HAUS7: variants seen among roughly 807,000 people sequenced by gnomAD.
The protein encoded by HAUS7 is HAUS augmin like complex subunit 7, also known as HAUS augmin-like complex subunit 7.
A neutral mutation model predicts 28.4 loss-of-function variants in HAUS7; 3 were observed. The observed-to-expected ratio is 0.11, with a 90% CI of 0.05 to 0.27. HAUS7 has a LOEUF of 0.27. Ranked by LOEUF, HAUS7 falls within the 10% of genes least tolerant of loss-of-function variation. The pLI is 1.00. For synonymous variants in HAUS7, 165 were observed against 132.1 expected, an observed-to-expected ratio of 1.25 and a Z score of -1.71; for missense variants, 284 against 297.3, an observed-to-expected ratio of 0.96 and a Z score of 0.33.
intron 1 of HAUS7, chrX:153,486,035 C>G: frequency 1.0e-6 from 1 of 973,403 alleles, no homozygotes; most frequent in South Asian, 2.0e-5. Flanking sequence ...GCAGGCCATC[C>G]CACGCGGCCT....
chrX:153,474,985 C>G (rs1011926515), upstream of HAUS7, among the ~76,000 whole-genome samples: 3 of 109,696 alleles, frequency 2.7e-5, no homozygotes, highest in African/African-American at 9.9e-5. Flanking sequence ...GGAACACGAA[C>G]GTGCCCGCTC....
chrX:153,474,531 T>A, upstream of HAUS7, among the ~76,000 whole-genome samples: 1 of 110,810 alleles, frequency 9.0e-6, no homozygotes. Context: ...CCAGAGGCAG[T>A]TGTAGGGGGT....
rs1556984986 is a variant in HAUS7 at position 153,470,495 on chromosome X, G to A, written c.63C>T (p.Asp21=). ...CCACAGCCGCCCTGGACACGCTGCT[G>A]TCGCCCTCGTCCTCTGAGTAGTCGT... ...GGDDYSEDEG[D]SSVSRAAVEV... Residue 21 remains aspartate, a synonymous_variant, in exon 1 of 10, where the codon GAC becomes GAT. Transcript: ENST00000370211. 8.3e-7 allele frequency: 1 copy of A among 1,206,139 alleles called. No homozygotes were observed. Among genetic ancestry groups the A allele is most frequent in the Non-Finnish European group, 1.1e-6 (1 of 892,597 alleles).
At chrX:153,489,599 TGA>T (rs1556989224) in intron 1 of HAUS7, among the ~76,000 whole-genome samples, 1 of 112,224 alleles carries the variant, frequency 8.9e-6, no homozygotes, top group Non-Finnish European at 1.9e-5. Flanking sequence ...GGGGTGGGAC[TGA>T]GAGTAAGGAC....
intron 1 of HAUS7, chrX:153,481,522 C>T (rs1356381037): frequency 1.3e-6 from 1 of 755,286 alleles, no homozygotes; most frequent in East Asian, 1.5e-4. Context: ...GGGCACCACC[C>T]AGCAGGCCAT....
At chrX:153,459,277 G>T (rs1381156496) in intron 4 of HAUS7, among the ~76,000 whole-genome samples, 2 of 111,988 alleles carry the variant, frequency 1.8e-5, no homozygotes, top group African/African-American at 6.5e-5. Context: ...GTTGTTAATA[G>T]ATTCGGGATA....
chrX:153,475,604 A>G (rs1312243119), intron 1 of HAUS7, among the ~76,000 whole-genome samples: 1 of 112,130 alleles, frequency 8.9e-6, no homozygotes, highest in Non-Finnish European at 1.9e-5. Flanking sequence ...TTTAAGGGGG[A>G]AAGGCCCCAT....
At chrX:153,473,640 C>A (rs1426046597), upstream of HAUS7, among the ~76,000 whole-genome samples, 2 of 112,818 alleles carry the variant, frequency 1.8e-5, no homozygotes, top group Non-Finnish European at 3.8e-5. Context: ...CTGATCACAC[C>A]CATGCGAGAA....
chrX:153,453,140 T>C (rs1259199095), intron 9 of HAUS7, among the ~76,000 whole-genome samples: 1 of 112,503 alleles, frequency 8.9e-6, no homozygotes, highest in Non-Finnish European at 1.9e-5. Context: ...CAAAACTTTA[T>C]GCTCAGTGAA....
intron 1 of HAUS7, among the ~76,000 whole-genome samples, chrX:153,478,839 G>A (rs1209700332): frequency 8.9e-6 from 1 of 112,412 alleles, no homozygotes; most frequent in Non-Finnish European, 1.9e-5. Flanking sequence ...CTCTCCTTTC[G>A]CAGCCATGGA....
At chrX:153,451,447 A>C (rs993681822) in intron 9 of HAUS7, among the ~76,000 whole-genome samples, 1 of 112,095 alleles carries the variant, frequency 8.9e-6, no homozygotes, top group Non-Finnish European at 1.9e-5. Flanking sequence ...GCTGCAGTTC[A>C]ATTGGCAAGA....
intron 2 of HAUS7, among the ~76,000 whole-genome samples, chrX:153,467,948 G>C (rs1299792829): frequency 8.9e-6 from 1 of 112,261 alleles, no homozygotes; most frequent in African/African-American, 3.2e-5. Context: ...GGGTCTTTGC[G>C]GGCTGTACAG....
upstream of HAUS7, among the ~76,000 whole-genome samples, chrX:153,474,703 A>AGGCGGG (rs782113268): frequency 4.6e-3 from 167 of 36,599 alleles, no homozygotes; most frequent in South Asian, 0.019. Context: ...GCAACGGGAG[A>AGGCGGG]GGCGGGGGCG....
At chrX:153,462,176 G>A in intron 4 of HAUS7, 1 of 1,021,195 alleles carries the variant, frequency 9.8e-7, no homozygotes, top group Non-Finnish European at 1.3e-6. Flanking sequence ...TCAAAATTTA[G>A]AAACGAGAAG....
chrX:153,456,960 C>T, intron 5 of HAUS7, 177 bp downstream of exon 5: 1 of 453,830 alleles, frequency 2.2e-6, no homozygotes, highest in South Asian at 3.2e-5. Flanking sequence ...CCTTGGGACA[C>T]AGCTGCCCCT....
At chrX:153,454,919 T>C in intron 8 of HAUS7, 1 of 1,036,489 alleles carries the variant, frequency 9.6e-7, no homozygotes, top group Non-Finnish European at 1.3e-6. Context: ...CAGTCAGAGG[T>C]TGGAAGGCTC....
intron 8 of HAUS7, chrX:153,454,856 A>T (rs377288479): frequency 1.0e-6 from 1 of 964,675 alleles, no homozygotes; most frequent in African/African-American, 2.0e-5. Context: ...AAAAATGGAC[A>T]GGAGAGGGCT....
At chrX:153,488,613 G>C (rs2089653153) in intron 1 of HAUS7, among the ~76,000 whole-genome samples, 1 of 112,338 alleles carries the variant, frequency 8.9e-6, no homozygotes, top group Admixed American at 9.4e-5. Context: ...CTTCCTGTTT[G>C]GGCTGGGTCA....
At chrX:153,470,765 G>A (rs1326019265), upstream of HAUS7, 2 of 506,559 alleles carry the variant, frequency 3.9e-6, no homozygotes, top group Non-Finnish European at 6.5e-6. Context: ...CCACAGTGAA[G>A]CGGGCAGGGC....
Sources: allele counts gnomAD v4.1 joint callset (sites outside exome capture counted in the v4.1 genomes callset), GRCh38; gene constraint gnomAD v4.1.1; transcripts MANE v1.5; gene names NCBI Gene and HGNC (gene_info 2026-07-23, HGNC 2026-07-21).